The following TENM3 variants were observed in gnomAD, a reference collection of about 807,000 sequenced individuals.
The protein encoded by TENM3 is teneurin transmembrane protein 3.
Under a neutral mutation model 255.1 loss-of-function variants are expected in TENM3, and 63 were observed. That is an observed-to-expected ratio of 0.25 (90% confidence interval 0.20 to 0.30). The LOEUF (loss-of-function observed/expected upper bound fraction) is 0.30. Among genes scored for constraint, TENM3 ranks in the 10% least tolerant of loss-of-function variants. TENM3 has a pLI of 1.00. For synonymous variants in TENM3, 1,306 were observed against 1,322.3 expected, an observed-to-expected ratio of 0.99 and a Z score of 0.27; for missense variants, 2,929 against 3,461.1, an observed-to-expected ratio of 0.85 and a Z score of 3.86.
At chr4:181,543,350 G>A in the TENM3 span, among the ~76,000 whole-genome samples, 8 of 152,032 alleles carry the variant, frequency 5.3e-5, no homozygotes, top group Non-Finnish European at 1.2e-4. Flanking sequence ...GAGGGGAAGA[G>A]GAGGAGGAGG....
chr4:181,595,448 A>C, the TENM3 span, among the ~76,000 whole-genome samples: 2 of 151,420 alleles, frequency 1.3e-5, no homozygotes, highest in East Asian at 1.9e-4. Context: ...AAAAAAAAAA[A>C]AAAAAACAAG....
At chr4:182,066,441 C>CTGA in the TENM3 span, among the ~76,000 whole-genome samples, 1 of 152,074 alleles carries the variant, frequency 6.6e-6, no homozygotes, top group Non-Finnish European at 1.5e-5. Context: ...GGACAATGGT[C>CTGA]TGGGTTCCGC....
chr4:182,575,581 A>G (rs1390030261), intron 3 of TENM3, among the ~76,000 whole-genome samples: 1 of 152,224 alleles, frequency 6.6e-6, no homozygotes, highest in African/African-American at 2.4e-5. Context: ...ATGTGGTAAC[A>G]AAAGCTAATT....
At position 182,710,279 on chromosome 4, in the gene TENM3, G is replaced by C. The variant is rs79483219; in HGVS notation, c.2222-3808G>C. On this transcript the variant is annotated intron_variant, in intron 12 of 27. Transcript: ENST00000511685. ...TTATGTTCAAATCATCAATTAAGCT[G>C]TTACAGGGTTCTACTAGTTTATATG... Among the ~76,000 whole-genome samples the C allele has an allele frequency of 1.4e-4, 22 of 152,280 alleles. No homozygotes were observed. In the East Asian group the frequency reaches 4.0e-3, roughly 28 times the overall value.
the TENM3 span, among the ~76,000 whole-genome samples, chr4:181,500,555 C>T: frequency 6.6e-6 from 1 of 152,144 alleles, no homozygotes; most frequent in Non-Finnish European, 1.5e-5. Context: ...CTATAAATTT[C>T]AGTCACTTCC....
chr4:182,247,503 G>A (rs983345473), intron 1 of TENM3, among the ~76,000 whole-genome samples: 2 of 152,140 alleles, frequency 1.3e-5, no homozygotes, highest in Admixed American at 1.3e-4. Context: ...AAAATGGAAC[G>A]AGCAGCTTCA....
At chr4:182,399,666 G>A (rs930903824) in intron 3 of TENM3, among the ~76,000 whole-genome samples, 11 of 152,180 alleles carry the variant, frequency 7.2e-5, no homozygotes, top group Non-Finnish European at 1.0e-4. Context: ...GCTGTACAAC[G>A]CACTGCTTGT....
At chr4:181,805,889 C>T in the TENM3 span, among the ~76,000 whole-genome samples, 1 of 152,136 alleles carries the variant, frequency 6.6e-6, no homozygotes, top group South Asian at 2.1e-4. Context: ...GTCCAGCTCT[C>T]CATCTGTGGA....
At chr4:182,243,992 C>G (rs937296485) in intron 1 of TENM3, among the ~76,000 whole-genome samples, 1 of 120,414 alleles carries the variant, frequency 8.3e-6, no homozygotes, top group African/African-American at 3.3e-5. Flanking sequence ...CTCGCTCTGT[C>G]GCCCAGGCTG....
intron 1 of TENM3, among the ~76,000 whole-genome samples, chr4:182,263,312 T>C (rs1464276312): frequency 6.6e-6 from 1 of 151,984 alleles, no homozygotes; most frequent in Non-Finnish European, 1.5e-5. Context: ...TAGTGGCCCA[T>C]CTTAGGGGAG....
At chr4:182,233,293 T>A (rs996665615) in intron 1 of TENM3, among the ~76,000 whole-genome samples, 2 of 152,170 alleles carry the variant, frequency 1.3e-5, no homozygotes, top group Admixed American at 6.5e-5. Flanking sequence ...CGTCCACACA[T>A]GATCCCACAC....
chr4:181,855,847 G>C, the TENM3 span, among the ~76,000 whole-genome samples: 2 of 150,960 alleles, frequency 1.3e-5, no homozygotes, highest in Non-Finnish European at 3.0e-5. Flanking sequence ...GGAAAGAAGA[G>C]AGGGAGGGAG....
the TENM3 span, among the ~76,000 whole-genome samples, chr4:181,577,147 TAA>T: frequency 7.4e-5 from 10 of 135,608 alleles, no homozygotes; most frequent in African/African-American, 1.1e-4. Context: ...AATATATAAT[TAA>T]TATATATATA....
chr4:181,611,652 C>T, the TENM3 span, among the ~76,000 whole-genome samples: 3 of 152,160 alleles, frequency 2.0e-5, no homozygotes, highest in East Asian at 1.9e-4. Context: ...TAAACAACCA[C>T]GTGAGTACTT....
the TENM3 span, among the ~76,000 whole-genome samples, chr4:181,545,041 G>A: frequency 9.0e-3 from 1,365 of 152,156 alleles, 19 homozygotes; most frequent in African/African-American, 0.031. Flanking sequence ...GTTTTTTGTC[G>A]GCACATTTTG....
chr4:182,406,013 A>C (rs1472210316), intron 3 of TENM3, among the ~76,000 whole-genome samples: 1 of 151,924 alleles, frequency 6.6e-6, no homozygotes, highest in Admixed American at 6.5e-5. Context: ...GTGCAGGACG[A>C]ACTGGACTCA....
intron 1 of TENM3, among the ~76,000 whole-genome samples, chr4:182,184,955 C>T (rs1014459775): frequency 5.3e-5 from 8 of 151,842 alleles, no homozygotes; most frequent in Admixed American, 2.0e-4. Flanking sequence ...TGGTGGTGGG[C>T]GCCTGTGATC....
the TENM3 span, among the ~76,000 whole-genome samples, chr4:181,650,085 A>C: frequency 6.6e-6 from 1 of 152,212 alleles, no homozygotes; most frequent in Non-Finnish European, 1.5e-5. Context: ...GAATCTGAGA[A>C]GGTTTGATAG....
chr4:181,493,557 G>A, the TENM3 span, among the ~76,000 whole-genome samples: 4,048 of 151,814 alleles, frequency 0.027, 173 homozygotes, highest in African/African-American at 0.093. Context: ...GTGAAACCCC[G>A]TCTCTAGTAA....
Sources: allele counts gnomAD v4.1 joint callset (sites outside exome capture counted in the v4.1 genomes callset), GRCh38; gene constraint gnomAD v4.1.1; transcripts MANE v1.5; gene names NCBI Gene and HGNC (gene_info 2026-07-23, HGNC 2026-07-21).